SLC4A4: variants seen among roughly 807,000 people sequenced by gnomAD.
SLC4A4 encodes the protein electrogenic sodium bicarbonate cotransporter 1.
A neutral mutation model predicts 111.5 loss-of-function variants in SLC4A4; 27 were observed. The ratio of observed to expected loss-of-function variants is 0.24; its 90% CI spans 0.18 to 0.33. SLC4A4 has a LOEUF of 0.33. Among genes scored for constraint, SLC4A4 ranks in the 10% least tolerant of loss-of-function variants. The pLI is 1.00. For missense variants in SLC4A4, 909 were observed against 1,315.5 expected (o/e 0.69, Z 4.78); for synonymous variants, 443 against 463.4 (o/e 0.96, Z 0.57).
rs149874812 is a variant in SLC4A4, at chr4:71,372,026, A to G, written c.730+14839A>G. Among the ~76,000 whole-genome samples the G allele has an allele frequency of 2.3e-4, 35 of 152,360 alleles. 1 individual carries two copies. The East Asian group carries it at 6.0e-3, about 26-fold the overall frequency. ...CCTGGTCTGATGAATTTGATTATCA[A>G]TTTATTCTAATTGTTAACATGGACT... On this transcript the variant is annotated intron_variant, in intron 6 of 25. Transcript: ENST00000264485.
chr4:71,315,123 A>G lies in SLC4A4; in HGVS notation c.254-24247A>G, dbSNP rs117553100. On this transcript the variant is annotated intron_variant, in intron 3 of 25. Transcript: ENST00000264485. ...ATCAAGCTGAACAGTAACTATCTGA[A>G]TCTTGAGAGACTGGAAATTTGGCTG... Among the ~76,000 whole-genome samples, 50 of 152,172 alleles carry G rather than the reference A, an allele frequency of 3.3e-4. 2 individuals carry two copies. In the East Asian group the frequency reaches 9.3e-3, roughly 28 times the overall value.
chr4:71,090,044 C>A (rs1208560476), intron 1 of SLC4A4, among the ~76,000 whole-genome samples: 1 of 151,816 alleles, frequency 6.6e-6, no homozygotes, highest in African/African-American at 2.4e-5. Context: ...TGGGCTCCAC[C>A]CAGTTCGAGC....
At chr4:71,207,917 A>C (rs1048302550) in intron 1 of SLC4A4, among the ~76,000 whole-genome samples, 3 of 152,146 alleles carry the variant, frequency 2.0e-5, no homozygotes, top group Non-Finnish European at 4.4e-5. Flanking sequence ...GGCTCACGTG[A>C]TCCTCCCACC....
intron 2 of SLC4A4, among the ~76,000 whole-genome samples, chr4:71,129,784 C>CAAAA (rs35737857): frequency 1.0e-3 from 76 of 75,480 alleles, no homozygotes; most frequent in African/African-American, 1.2e-3. Flanking sequence ...TACCATGCAC[C>CAAAA]AAAAAAAAAA....
At chr4:71,121,622 C>A (rs1269278116) in intron 2 of SLC4A4, among the ~76,000 whole-genome samples, 2 of 152,156 alleles carry the variant, frequency 1.3e-5, no homozygotes, top group Admixed American at 1.3e-4. Context: ...AATCAGCACT[C>A]TGTGTCTAGC....
At chr4:71,399,365 G>C (rs947626245) in intron 7 of SLC4A4, among the ~76,000 whole-genome samples, 2 of 151,904 alleles carry the variant, frequency 1.3e-5, no homozygotes, top group Admixed American at 1.3e-4. Flanking sequence ...TAGTCATAGA[G>C]GTTTATAGGC....
chr4:71,458,012 T>C (rs1323058793), intron 12 of SLC4A4, among the ~76,000 whole-genome samples: 1 of 152,148 alleles, frequency 6.6e-6, no homozygotes, highest in East Asian at 1.9e-4. Flanking sequence ...TATGTTTTAT[T>C]TTTATTTTTT....
intron 1 of SLC4A4, among the ~76,000 whole-genome samples, chr4:71,076,562 T>C (rs981057292): frequency 1.3e-5 from 2 of 152,082 alleles, no homozygotes; most frequent in Non-Finnish European, 2.9e-5. Flanking sequence ...ACTTTAATCC[T>C]GGGCACTTTA....
chr4:71,286,104 G>A (rs972862510), intron 3 of SLC4A4, among the ~76,000 whole-genome samples: 2 of 152,284 alleles, frequency 1.3e-5, no homozygotes, highest in Middle Eastern at 3.4e-3. Context: ...GACAGGCATG[G>A]TGGCGGGCGC....
chr4:71,190,822 T>G (rs1300248273), intron 1 of SLC4A4, among the ~76,000 whole-genome samples: 1 of 152,232 alleles, frequency 6.6e-6, no homozygotes, highest in Non-Finnish European at 1.5e-5. Context: ...TAAAACTTTT[T>G]CTTCCAATCT....
At chr4:71,348,250 T>C (rs565316600) in intron 4 of SLC4A4, among the ~76,000 whole-genome samples, 2 of 152,120 alleles carry the variant, frequency 1.3e-5, no homozygotes, top group South Asian at 4.2e-4. Flanking sequence ...GTCGTTTTTT[T>C]TCTCCCAGTT....
intron 2 of SLC4A4, among the ~76,000 whole-genome samples, chr4:71,142,248 T>G (rs1310328037): frequency 1.3e-5 from 2 of 152,252 alleles, no homozygotes; most frequent in African/African-American, 4.8e-5. Context: ...CAAGTTTGCC[T>G]CATGAGTAGC....
rs1339251581 is a variant in SLC4A4 at position 71,425,643 on chromosome 4, G to T, written c.808-14973G>T. 6.6e-5 allele frequency among the ~76,000 whole-genome samples: 10 copies of T among 152,106 alleles called. No homozygotes were observed. The East Asian group carries it at 1.3e-3, about 20-fold the overall frequency. ...GCAAGACATCAGTCAATACATGTAA[G>T]ATGTACATTGGTTCAGTCCAGAAAG... On this transcript the variant is annotated intron_variant, in intron 7 of 25. Transcript: ENST00000264485.
intron 14 of SLC4A4, among the ~76,000 whole-genome samples, chr4:71,476,915 C>T (rs946991204): frequency 1.3e-5 from 2 of 151,500 alleles, no homozygotes; most frequent in African/African-American, 2.4e-5. Flanking sequence ...AATTAGTAGA[C>T]GAAATGGATG....
intron 3 of SLC4A4, among the ~76,000 whole-genome samples, chr4:71,284,585 A>C (rs1723763570): frequency 6.6e-6 from 1 of 152,146 alleles, no homozygotes; most frequent in Non-Finnish European, 1.5e-5. Context: ...TTTATAAGCT[A>C]TATTCTATTT....
chr4:71,215,521 A>G (rs1367324689), intron 1 of SLC4A4, among the ~76,000 whole-genome samples: 1 of 152,192 alleles, frequency 6.6e-6, no homozygotes, highest in Non-Finnish European at 1.5e-5. Flanking sequence ...TCCCAGGTTC[A>G]TAAGGAGGGT....
intron 16 of SLC4A4, among the ~76,000 whole-genome samples, chr4:71,504,997 G>T (rs1369724407): frequency 6.6e-6 from 1 of 152,078 alleles, no homozygotes; most frequent in Non-Finnish European, 1.5e-5. Flanking sequence ...TTCTGTTCCT[G>T]CATTAGTTTG....
intron 2 of SLC4A4, among the ~76,000 whole-genome samples, chr4:71,103,322 G>A (rs1177395482): frequency 5.9e-5 from 9 of 151,944 alleles, no homozygotes; most frequent in Non-Finnish European, 1.3e-4. Context: ...ATTAATAATG[G>A]GAGACTTTAA....
intron 7 of SLC4A4, among the ~76,000 whole-genome samples, chr4:71,415,037 A>G (rs1279030137): frequency 6.6e-6 from 1 of 152,234 alleles, no homozygotes. Context: ...TTTACAGTGT[A>G]GTTGCACTGA....
Sources: gnomAD v4.1 joint callset for allele counts (sites outside exome capture counted in the v4.1 genomes callset) on GRCh38, gnomAD v4.1.1 for gene constraint, MANE v1.5 for transcripts, NCBI Gene and HGNC (gene_info 2026-07-23, HGNC 2026-07-21) for gene names.